The following FRY variants were observed in gnomAD, a reference collection of about 807,000 sequenced individuals.
The protein encoded by FRY is protein furry homolog.
A neutral mutation model predicts 348.4 loss-of-function variants in FRY; 128 were observed. That is an observed-to-expected ratio of 0.37 (90% CI 0.32 to 0.43). The LOEUF is 0.43. Among genes scored for constraint, FRY ranks in the 20% least tolerant of loss-of-function variants. The probability of loss-of-function intolerance (pLI) is 1.00; values close to 1 mark genes in which losing one functional copy is unlikely to be tolerated. For missense variants in FRY, 2,736 were observed against 3,695.2 expected, an observed-to-expected ratio of 0.74 and a Z score of 6.73; for synonymous variants, 1,370 against 1,374.7, an observed-to-expected ratio of 1.00 and a Z score of 0.08.
At chr13:32,281,821 G>A (rs527275953) in intron 58 of FRY, among the ~76,000 whole-genome samples, 13 of 152,268 alleles carry the variant, frequency 8.5e-5, no homozygotes, top group African/African-American at 2.2e-4. Context: ...TGTTTAAGTC[G>A]TCTGGATACT....
At chr13:32,146,428 C>T (rs1224387497) in intron 11 of FRY, among the ~76,000 whole-genome samples, 1 of 152,178 alleles carries the variant, frequency 6.6e-6, no homozygotes, top group African/African-American at 2.4e-5. Flanking sequence ...CCTCTGCTTG[C>T]TGGGTTCAAG....
At chr13:32,251,993 C>T (rs1373961815) in intron 50 of FRY, 41 bp downstream of exon 50, 1 of 1,329,156 alleles carries the variant, frequency 7.5e-7, no homozygotes, top group South Asian at 1.2e-5. Flanking sequence ...GGTGTCATAT[C>T]TCCTTTTTCA....
At chr13:32,074,524 T>C (rs886268002) in intron 1 of FRY, among the ~76,000 whole-genome samples, 5 of 152,130 alleles carry the variant, frequency 3.3e-5, no homozygotes, top group African/African-American at 1.2e-4. Context: ...TATATGACGA[T>C]AGAAAGGACG....
Position 32,124,589 on chromosome 13 carries a change from C to CT in FRY, c.556-4dup, listed in dbSNP as rs755969708. 1.4e-3 allele frequency: 2,032 copies of CT among 1,492,208 alleles called. No homozygotes were observed. The highest frequency in any genetic ancestry group is 1.7e-3 in the Non-Finnish European group (1,805 of 1,072,784). 92.4% of individuals were successfully genotyped at this position (1,492,208 alleles called of 1,614,324 possible). A position where few individuals can be genotyped will look rare whatever the true frequency, so the allele number is the denominator to read the frequency against. ...TATTCCCTTCTGAGTTAAGAACCAC[C>CT]TTTTTTTTTCAGATTCCACTTCATC... On this transcript the variant is annotated splice_polypyrimidine_tract_variant and intron_variant, in intron 5 of 60. Transcript: ENST00000542859.
intron 17 of FRY, among the ~76,000 whole-genome samples, chr13:32,168,307 A>G (rs1233458564): frequency 1.3e-5 from 2 of 152,238 alleles, no homozygotes; most frequent in Non-Finnish European, 1.5e-5. Flanking sequence ...GGGGAGTCCA[A>G]TCTTTTGTTC....
Position 32,236,115 on chromosome 13 carries a change from C to A in FRY, c.5753C>A (p.Ala1918Asp). Reference protein sequence around the residue: ...VMEALLTLEAAVDNLSDCLKN... With the variant: ...VMEALLTLEADVDNLSDCLKN... ...GAAGCGCTCCTAACCTTGGAGGCGG[C>A]TGTGGATAACTTGTCTGACTGCTTG... is the stretch of plus-strand genomic sequence containing the variant. Residue 1918 changes from alanine (A) to aspartate (D), a missense_variant, in exon 43 of 61, where the codon GCT becomes GAT. Ala to Asp is a moderately radical substitution (Grantham distance 126). This residue lies in a region of FRY where 794 missense variants were observed against 977.0 expected (regional missense o/e 0.81). Coordinates refer to ENST00000542859, the MANE Select transcript of FRY (RefSeq NM_023037.3). 1 of 1,614,000 alleles carries A rather than the reference C, an allele frequency of 6.2e-7. No homozygotes were observed. Among genetic ancestry groups the A allele is most frequent in the Non-Finnish European group, 8.5e-7 (1 of 1,179,938 alleles).
In FRY at chr13:32,208,787, T is replaced by C. The variant is rs74899814; in HGVS notation, c.4019-66T>C. 2,722 of 1,591,360 alleles carry C rather than the reference T, an allele frequency of 1.7e-3. 41 individuals carry two copies. The African/African-American group carries it at 0.032, about 19-fold the overall frequency. ...CACTGTTCAGTCTGCAAGTTGGCATTTGAATTTCCATTTATTTTGGTGGAA... is the reference window on the plus strand; with the variant it reads ...CACTGTTCAGTCTGCAAGTTGGCATCTGAATTTCCATTTATTTTGGTGGAA... On this transcript the variant is annotated intron_variant, in intron 31 of 60. Transcript: ENST00000542859.
intron 48 of FRY, 121 bp from the exon 49 acceptor site, chr13:32,249,405 C>A: frequency 1.9e-6 from 2 of 1,069,598 alleles, no homozygotes; most frequent in Admixed American, 2.0e-5. Flanking sequence ...ACTTGTAACA[C>A]TGAACTTCTC....
At chr13:32,071,420 G>A (rs1418183603) in intron 1 of FRY, among the ~76,000 whole-genome samples, 3 of 152,046 alleles carry the variant, frequency 2.0e-5, no homozygotes, top group Non-Finnish European at 2.9e-5. Flanking sequence ...CCTTGAAGAG[G>A]TCCTTCACAT....
chr13:32,133,019 T>A (rs1879464977), intron 8 of FRY, among the ~76,000 whole-genome samples: 1 of 152,176 alleles, frequency 6.6e-6, no homozygotes, highest in South Asian at 2.1e-4. Flanking sequence ...GACTAACAGT[T>A]ATCTAGGGCT....
intron 4 of FRY, among the ~76,000 whole-genome samples, chr13:32,118,925 G>A (rs1329171558): frequency 6.6e-6 from 1 of 152,010 alleles, no homozygotes; most frequent in Non-Finnish European, 1.5e-5. Context: ...GCAGGGAGTG[G>A]GACAGTTTTT....
chr13:32,138,772 G>T (rs768080670), intron 11 of FRY, among the ~76,000 whole-genome samples: 1 of 152,122 alleles, frequency 6.6e-6, no homozygotes, highest in Non-Finnish European at 1.5e-5. Flanking sequence ...GGGAAGGAGT[G>T]GGGAAGGCAA....
intron 2 of FRY, chr13:32,085,878 C>T (rs142596931): frequency 1.9e-6 from 1 of 519,002 alleles, no homozygotes; most frequent in Non-Finnish European, 3.8e-6. Flanking sequence ...CAGCTCCTTT[C>T]AGCAGACCTG....
At chr13:32,286,888 G>A (rs1478598084) in intron 58 of FRY, among the ~76,000 whole-genome samples, 57 of 151,600 alleles carry the variant, frequency 3.8e-4, no homozygotes, top group Non-Finnish European at 5.9e-5. Context: ...GTCCAGGCAA[G>A]GTGGCTCATT....
chr13:32,086,046 AT>A (rs1441888003), intron 2 of FRY: 1 of 512,008 alleles, frequency 2.0e-6, no homozygotes, highest in East Asian at 5.5e-5. Context: ...AAAACCAGAG[AT>A]TTGAGGTAAG....
At chr13:32,273,060 ATTGTGTTTT>A (rs1322939430) in intron 55 of FRY, among the ~76,000 whole-genome samples, 1 of 151,628 alleles carries the variant, frequency 6.6e-6, no homozygotes, top group African/African-American at 2.4e-5. Flanking sequence ...ATTCTTCTTA[ATTGTGTTTT>A]TTGTTTTTTG....
intron 31 of FRY, among the ~76,000 whole-genome samples, chr13:32,207,903 C>CTAAT (rs1409223958): frequency 6.6e-6 from 1 of 152,164 alleles, no homozygotes; most frequent in African/African-American, 2.4e-5. Context: ...ACCAAGCTTT[C>CTAAT]TAATTTCCCT....
chr13:32,092,192 A>G (rs990477018), intron 2 of FRY, among the ~76,000 whole-genome samples: 19 of 152,362 alleles, frequency 1.2e-4, no homozygotes, highest in African/African-American at 4.6e-4. Flanking sequence ...ATCTTTCTAG[A>G]TTAGTGAAAT....
At chr13:32,192,076 T>G (rs1883369300) in intron 28 of FRY, among the ~76,000 whole-genome samples, 1 of 151,970 alleles carries the variant, frequency 6.6e-6, no homozygotes, top group African/African-American at 2.4e-5. Context: ...TTTAAGAGAG[T>G]GCCCAGGGGA....
Sources: gnomAD v4.1 joint callset for allele counts (sites outside exome capture counted in the v4.1 genomes callset) on GRCh38, gnomAD v4.1.1 for gene constraint, gnomAD v4.1.1 regional missense constraint, MANE v1.5 for transcripts, NCBI Gene and HGNC (gene_info 2026-07-23, HGNC 2026-07-21) for gene names.